The following ACVR2A variants were observed in gnomAD, a reference collection of about 807,000 sequenced individuals.
The protein encoded by ACVR2A is activin A receptor type 2A.
In ACVR2A, 7 loss-of-function variants were observed where a neutral mutation model predicts 61.4. The ratio of observed to expected loss-of-function variants is 0.11; its 90% confidence interval spans 0.06 to 0.21. The LOEUF is 0.21. Among genes scored for constraint, ACVR2A ranks in the 10% least tolerant of loss-of-function variants. The pLI is 1.00. For synonymous variants in ACVR2A, 193 were observed against 208.3 expected (o/e 0.93, Z 0.63); for missense variants, 322 against 621.7 (o/e 0.52, Z 5.13).
intron 1 of ACVR2A, among the ~76,000 whole-genome samples, chr2:147,862,247 A>C (rs1685743025): frequency 6.6e-6 from 1 of 152,050 alleles, no homozygotes; most frequent in South Asian, 2.1e-4. Flanking sequence ...ATATAGCAAT[A>C]ATAAGCACCA....
At chr2:147,879,759 T>G (rs2105168715) in intron 1 of ACVR2A, among the ~76,000 whole-genome samples, 1 of 152,290 alleles carries the variant, frequency 6.6e-6, no homozygotes, top group East Asian at 1.9e-4. Context: ...TTTTGTTTGC[T>G]TTAGTAAATT....
chr2:147,908,481 T>A (rs1331773603), intron 4 of ACVR2A, among the ~76,000 whole-genome samples: 1 of 152,176 alleles, frequency 6.6e-6, no homozygotes, highest in Non-Finnish European at 1.5e-5. Flanking sequence ...GTAGGAATTA[T>A]CACAGAGGAA....
At chr2:147,893,245 T>C (rs1686634041) in intron 1 of ACVR2A, among the ~76,000 whole-genome samples, 1 of 152,222 alleles carries the variant, frequency 6.6e-6, no homozygotes, top group African/African-American at 2.4e-5. Context: ...AGTTCATTCC[T>C]TTTTTATTGT....
At chr2:147,926,939 A>C in intron 10 of ACVR2A, 141 bp from the exon 11 acceptor site, 2 of 757,794 alleles carry the variant, frequency 2.6e-6, no homozygotes, top group Non-Finnish European at 2.1e-6. Flanking sequence ...ATGATTCTGC[A>C]CATGGTAGTC....
chr2:147,892,596 T>C (rs1686615174), intron 1 of ACVR2A, among the ~76,000 whole-genome samples: 1 of 151,708 alleles, frequency 6.6e-6, no homozygotes, highest in South Asian at 2.1e-4. Flanking sequence ...TAATCCATTA[T>C]GTGTTAGTAA....
intron 1 of ACVR2A, among the ~76,000 whole-genome samples, chr2:147,871,118 G>C (rs752243305): frequency 3.3e-5 from 5 of 151,916 alleles, no homozygotes; most frequent in African/African-American, 4.8e-5. Context: ...ATTTAGATAC[G>C]GTTATTGTTA....
chr2:147,902,772 G>T (rs1686901056), intron 4 of ACVR2A: 1 of 151,956 alleles, frequency 6.6e-6, no homozygotes, highest in African/African-American at 2.4e-5. Flanking sequence ...GTAGGAGAGA[G>T]ATATTTGAAG....
intron 1 of ACVR2A, among the ~76,000 whole-genome samples, chr2:147,860,033 T>C (rs2105143307): frequency 6.6e-6 from 1 of 152,300 alleles, no homozygotes. Context: ...AAGCATTGGC[T>C]TTAGTGATAG....
chr2:147,882,288 T>A (rs1233615344), intron 1 of ACVR2A, among the ~76,000 whole-genome samples: 1 of 152,248 alleles, frequency 6.6e-6, no homozygotes, highest in Non-Finnish European at 1.5e-5. Flanking sequence ...CAGTTGCTCA[T>A]GACTGTAATC....
chr2:147,883,553 GA>G (rs879579059), intron 1 of ACVR2A, among the ~76,000 whole-genome samples: 4 of 152,012 alleles, frequency 2.6e-5, no homozygotes, highest in East Asian at 1.9e-4. Flanking sequence ...AAGACATTGA[GA>G]TTTTTTTTTA....
intron 1 of ACVR2A, among the ~76,000 whole-genome samples, chr2:147,879,067 G>A (rs1686230464): frequency 6.6e-6 from 1 of 152,130 alleles, no homozygotes; most frequent in South Asian, 2.1e-4. Flanking sequence ...CTTACTAAAT[G>A]CAATCAAACT....
chr2:147,853,965 G>T (rs1308551695), intron 1 of ACVR2A, among the ~76,000 whole-genome samples: 1 of 152,080 alleles, frequency 6.6e-6, no homozygotes. Context: ...TGTATTAAAT[G>T]AATTGATAAC....
chr2:147,920,490 T>C (rs1233332044), intron 8 of ACVR2A, 146 bp downstream of exon 8: 5 of 641,440 alleles, frequency 7.8e-6, no homozygotes, highest in South Asian at 2.2e-5. Context: ...GAGGAAGACA[T>C]TTTCATATGA....
chr2:147,871,975 A>G (rs1686031605), intron 1 of ACVR2A, among the ~76,000 whole-genome samples: 1 of 152,096 alleles, frequency 6.6e-6, no homozygotes, highest in Non-Finnish European at 1.5e-5. Context: ...CTACCGTATT[A>G]CAGATTTTTA....
chr2:147,928,159 T>TAA lies in ACVR2A; in HGVS notation c.*886_*887dup, dbSNP rs1296630154. On this transcript the variant is annotated 3_prime_UTR_variant, in exon 11 of 11. Transcript: ENST00000241416. ...AGTTCCCAAAATTTGCATACTTACC[T>TAA]AAGTATTTTTTTTAGGTGTGCTGTG... 6.6e-6 allele frequency: 1 copy of TAA among 152,326 alleles called. No individual in the cohort carries two copies. Among genetic ancestry groups the TAA allele is most frequent in the African/African-American group, 2.4e-5 (1 of 41,392 alleles). 9.4% of individuals were successfully genotyped at this position (152,326 alleles called of 1,614,324 possible). A position where few individuals can be genotyped will look rare whatever the true frequency, so the allele number is the denominator to read the frequency against.
intron 1 of ACVR2A, among the ~76,000 whole-genome samples, chr2:147,895,736 G>C (rs568758785): frequency 6.6e-6 from 1 of 152,128 alleles, no homozygotes; most frequent in Non-Finnish European, 1.5e-5. Flanking sequence ...CTTTTCTTTA[G>C]CTTACTTTAG....
chr2:147,847,461 T>G (rs558662777), intron 1 of ACVR2A, among the ~76,000 whole-genome samples: 49 of 152,328 alleles, frequency 3.2e-4, no homozygotes, highest in African/African-American at 1.0e-3. Context: ...ATGAGAATTT[T>G]AAAAATTCTC....
intron 6 of ACVR2A, among the ~76,000 whole-genome samples, chr2:147,917,832 TG>T (rs1687284844): frequency 6.6e-6 from 1 of 151,988 alleles, no homozygotes; most frequent in Non-Finnish European, 1.5e-5. Flanking sequence ...ATCTGATCTT[TG>T]ATCTGTCACT....
upstream of ACVR2A, chr2:147,845,027 T>TTTTTGTG: frequency 4.1e-6 from 1 of 241,322 alleles, no homozygotes; most frequent in Non-Finnish European, 8.1e-6. Flanking sequence ...TTTTTTTTTT[T>TTTTTGTG]GGTCTGGGCT....
Sources: allele counts gnomAD v4.1 joint callset (sites outside exome capture counted in the v4.1 genomes callset), GRCh38; gene constraint gnomAD v4.1.1; transcripts MANE v1.5; gene names NCBI Gene and HGNC (gene_info 2026-07-23, HGNC 2026-07-21).